The following ATRNL1 variants were observed in gnomAD, a reference collection of about 807,000 sequenced individuals.
ATRNL1 encodes the protein attractin like 1, also known as attractin-like protein 1.
A neutral mutation model predicts 182.7 loss-of-function variants in ATRNL1; 95 were observed. The ratio of observed to expected loss-of-function variants is 0.52; its 90% CI spans 0.44 to 0.62. The LOEUF (loss-of-function observed/expected upper bound fraction) is 0.62. Among genes scored for constraint, ATRNL1 ranks in the 20% least tolerant of loss-of-function variants. ATRNL1 has a pLI of 0.00. For synonymous variants in ATRNL1, 576 were observed against 568.3 expected, an observed-to-expected ratio of 1.01 and a Z score of -0.19; for missense variants, 1,471 against 1,679.5, an observed-to-expected ratio of 0.88 and a Z score of 2.17.
intron 26 of ATRNL1, among the ~76,000 whole-genome samples, chr10:115,565,748 C>T (rs1041770925): frequency 6.6e-6 from 1 of 151,922 alleles, no homozygotes; most frequent in African/African-American, 2.4e-5. Context: ...CTTTAAAAGT[C>T]GTTATATATT....
At chr10:115,921,577 G>A (rs1203246754) in intron 28 of ATRNL1, among the ~76,000 whole-genome samples, 1 of 152,262 alleles carries the variant, frequency 6.6e-6, no homozygotes, top group Non-Finnish European at 1.5e-5. Context: ...CTGTATGATA[G>A]TTTGATAATA....
chr10:115,439,743 C>A lies in ATRNL1; in HGVS notation c.3322+13441C>A, dbSNP rs187110302. Among the ~76,000 whole-genome samples, 308 of 151,748 alleles carry A rather than the reference C, an allele frequency of 2.0e-3. 5 individuals carry two copies. The highest frequency in any genetic ancestry group is 0.018 in the Admixed American group (270 of 15,206). On this transcript the variant is annotated intron_variant, in intron 21 of 28. Coordinates refer to ENST00000355044, the MANE Select transcript of ATRNL1 (RefSeq NM_207303.4). ...AACAAGTATTCTTATGAAAGGGAAGCGGAGGAAATTTGACTACAGTAGTAG... is the reference window on the plus strand; with the variant it reads ...AACAAGTATTCTTATGAAAGGGAAGAGGAGGAAATTTGACTACAGTAGTAG...
At chr10:115,668,204 TC>T (rs1419954703) in intron 26 of ATRNL1, among the ~76,000 whole-genome samples, 2 of 152,028 alleles carry the variant, frequency 1.3e-5, no homozygotes, top group African/African-American at 4.8e-5. Context: ...GTGGTGTGAC[TC>T]CCCGGTTCTT....
At chr10:115,539,415 A>G (rs782326832) in intron 25 of ATRNL1, among the ~76,000 whole-genome samples, 2 of 152,168 alleles carry the variant, frequency 1.3e-5, no homozygotes, top group Non-Finnish European at 2.9e-5. Context: ...ATGGGCAGCT[A>G]TTTGGTATAT....
At chr10:115,637,430 A>G (rs1285395649) in intron 26 of ATRNL1, among the ~76,000 whole-genome samples, 2 of 152,090 alleles carry the variant, frequency 1.3e-5, no homozygotes, top group African/African-American at 4.8e-5. Context: ...CAAAGTTAAA[A>G]TTTTAAAAAT....
At chr10:115,318,013 TATG>T (rs1854389928) in intron 18 of ATRNL1, among the ~76,000 whole-genome samples, 1 of 152,190 alleles carries the variant, frequency 6.6e-6, no homozygotes, top group Admixed American at 6.5e-5. Context: ...GCCCATTTAA[TATG>T]ATATTGCTGT....
chr10:115,452,359 C>T (rs1412683544), intron 21 of ATRNL1, among the ~76,000 whole-genome samples: 1 of 152,026 alleles, frequency 6.6e-6, no homozygotes, highest in African/African-American at 2.4e-5. Context: ...ATAACAGATG[C>T]TCTCTTGTAT....
At chr10:115,145,080 T>C (rs1485487337) in intron 5 of ATRNL1, among the ~76,000 whole-genome samples, 1 of 152,158 alleles carries the variant, frequency 6.6e-6, no homozygotes, top group Admixed American at 6.5e-5. Flanking sequence ...ATTTTAGATG[T>C]TTTTGAAATA....
chr10:115,858,135 A>G (rs1230674024), intron 28 of ATRNL1, among the ~76,000 whole-genome samples: 2 of 152,222 alleles, frequency 1.3e-5, no homozygotes, highest in African/African-American at 4.8e-5. Context: ...CAGTATGGTA[A>G]TTCCTCAAAG....
At chr10:115,819,959 G>A (rs1467178357) in intron 27 of ATRNL1, 1 of 151,980 alleles carries the variant, frequency 6.6e-6, no homozygotes, top group Middle Eastern at 3.2e-3. Context: ...GGTGGGAGAG[G>A]TGGCAGTGAG....
At chr10:115,232,150 G>A (rs1239678182) in intron 9 of ATRNL1, among the ~76,000 whole-genome samples, 2 of 152,082 alleles carry the variant, frequency 1.3e-5, no homozygotes, top group South Asian at 4.2e-4. Context: ...ATAAATGCTT[G>A]TTCATGCTCT....
chr10:115,383,733 G>A (rs1248834687), intron 19 of ATRNL1, among the ~76,000 whole-genome samples: 4 of 151,082 alleles, frequency 2.6e-5, no homozygotes, highest in African/African-American at 7.3e-5. Flanking sequence ...ATCACAAAAT[G>A]TCATTTATAA....
chr10:115,917,806 G>A (rs2134549843), intron 28 of ATRNL1, among the ~76,000 whole-genome samples: 1 of 152,234 alleles, frequency 6.6e-6, no homozygotes, highest in African/African-American at 2.4e-5. Context: ...TTTCAGGCCG[G>A]CTCAGCACTC....
chr10:115,486,644 C>T (rs1849040903), intron 24 of ATRNL1, among the ~76,000 whole-genome samples: 3 of 152,002 alleles, frequency 2.0e-5, no homozygotes, highest in African/African-American at 7.3e-5. Flanking sequence ...GATATTAGCC[C>T]TTTGTCAGAT....
chr10:115,724,131 A>G (rs1947522183), intron 26 of ATRNL1, among the ~76,000 whole-genome samples: 1 of 152,186 alleles, frequency 6.6e-6, no homozygotes, highest in Non-Finnish European at 1.5e-5. Context: ...GTTAAGCTTC[A>G]TTTTATATAA....
intron 28 of ATRNL1, among the ~76,000 whole-genome samples, chr10:115,887,997 T>C (rs1465363952): frequency 6.6e-6 from 1 of 152,176 alleles, no homozygotes; most frequent in Non-Finnish European, 1.5e-5. Context: ...TATTGGAACT[T>C]ATCACCAGCT....
intron 24 of ATRNL1, among the ~76,000 whole-genome samples, chr10:115,484,587 C>A (rs1848930243): frequency 1.3e-5 from 2 of 151,714 alleles, no homozygotes; most frequent in South Asian, 4.1e-4. Context: ...TTCTTTAACA[C>A]CACTCATTGG....
At position 115,334,263 on chromosome 10, in the gene ATRNL1, T is replaced by G. The variant is rs1398562232; in HGVS notation, c.3038-19T>G. 6.2e-6 allele frequency: 9 copies of G among 1,447,962 alleles called. No individual in the cohort carries two copies. The African/African-American group carries it at 1.3e-4, about 20-fold the overall frequency. 89.7% of individuals were successfully genotyped at this position (1,447,962 alleles called of 1,614,324 possible). A position where few individuals can be genotyped will look rare whatever the true frequency, so the allele number is the denominator to read the frequency against. Reference sequence around the variant, plus strand: ...ATATTATGTTAGATATTTGTAATGCTTTTTACTGTTTCCTTTAGCTTGCCA... The same window carrying G: ...ATATTATGTTAGATATTTGTAATGCGTTTTACTGTTTCCTTTAGCTTGCCA... On this transcript the variant is annotated intron_variant, in intron 18 of 28. Transcript: ENST00000355044.
intron 17 of ATRNL1, among the ~76,000 whole-genome samples, chr10:115,307,979 T>C (rs1348073030): frequency 6.6e-6 from 1 of 152,200 alleles, no homozygotes; most frequent in Non-Finnish European, 1.5e-5. Context: ...GTCTTTAAAA[T>C]ATTTTTATAC....
Sources: allele counts gnomAD v4.1 joint callset (sites outside exome capture counted in the v4.1 genomes callset), GRCh38; gene constraint gnomAD v4.1.1; transcripts MANE v1.5; gene names NCBI Gene and HGNC (gene_info 2026-07-23, HGNC 2026-07-21).